CRY1: variants seen among roughly 807,000 people sequenced by gnomAD.
The protein encoded by CRY1 is cryptochrome-1.
A neutral mutation model predicts 76.0 loss-of-function variants in CRY1; 45 were observed. That is an observed-to-expected ratio of 0.59 (90% confidence interval 0.47 to 0.76). The LOEUF (loss-of-function observed/expected upper bound fraction) is 0.76. CRY1 is among the 30% of genes least tolerant of loss of function. The pLI is 0.00. For missense variants in CRY1, 587 were observed against 716.4 expected (o/e 0.82, Z 2.06); for synonymous variants, 248 against 244.0 (o/e 1.02, Z -0.15).
In CRY1 at chr12:107,036,953, T is replaced by C. The variant is rs547329867; in HGVS notation, c.159-14761A>G. The stretch of plus-strand genomic sequence containing the variant: ...TTCCTGAGCCCCCTTCCTTGCTATC[T>C]CTTTAACATACTATATAATTTATTT... On this transcript the variant is annotated intron_variant, in intron 1 of 12. Transcript: ENST00000008527. Among the ~76,000 whole-genome samples the C allele has an allele frequency of 2.0e-5, 3 of 152,240 alleles. 1 individual carries two copies. Among genetic ancestry groups the C allele is most frequent in the African/African-American group, 7.2e-5 (3 of 41,546 alleles).
At chr12:107,027,599 T>C (rs897869947) in intron 1 of CRY1, among the ~76,000 whole-genome samples, 1 of 152,174 alleles carries the variant, frequency 6.6e-6, no homozygotes, top group Admixed American at 6.5e-5. Context: ...ATATATTTCT[T>C]CACTTTAAAC....
rs1240341974 is a variant in CRY1, at chr12:107,093,186, T to A, written c.-225A>T. The stretch of plus-strand genomic sequence containing the variant: ...GGTTGCCTAGTCGGCGGAGTCCGGG[T>A]GTGACGCCCTTTAGGAGCCCGCGCC... On this transcript the variant is annotated 5_prime_UTR_variant, in exon 1 of 13. Transcript: ENST00000008527. 1.9e-6 allele frequency: 1 copy of A among 516,256 alleles called. No individual in the cohort carries two copies. Among genetic ancestry groups the A allele is most frequent in the Non-Finnish European group, 3.3e-6 (1 of 305,116 alleles). The allele number at this position is 516,256 out of a possible 1,614,324, so 32.0% of individuals were successfully genotyped here. A position where few individuals can be genotyped will look rare whatever the true frequency, so the allele number is the denominator to read the frequency against.
In CRY1 at chr12:107,001,718, GATTT is replaced by G. The variant is rs747277420; in HGVS notation, c.595+42_595+45del. On this transcript the variant is annotated intron_variant, in intron 4 of 12. Transcript: ENST00000008527. ...AAGGGGAATTTTCTGAGTAATTTATGATTTATTAACTTGCAAGCCTCACACTGAC... is the reference window on the plus strand; with the variant it reads ...AAGGGGAATTTTCTGAGTAATTTATGATTAACTTGCAAGCCTCACACTGAC... The G allele has an allele frequency of 2.1e-6, 3 of 1,431,508 alleles. No homozygotes were observed. The South Asian group carries it at 4.7e-5, about 23-fold the overall frequency. The allele number at this position is 1,431,508 out of a possible 1,614,324, so 88.7% of individuals were successfully genotyped here.
intron 1 of CRY1, among the ~76,000 whole-genome samples, chr12:107,084,841 G>C (rs1953376391): frequency 6.6e-6 from 1 of 152,050 alleles, no homozygotes; most frequent in South Asian, 2.1e-4. Context: ...TTAAACTAAA[G>C]AGTTTCTGCA....
At chr12:107,007,234 A>G (rs561589423) in intron 2 of CRY1, among the ~76,000 whole-genome samples, 1 of 152,324 alleles carries the variant, frequency 6.6e-6, no homozygotes, top group African/African-American at 2.4e-5. Flanking sequence ...ATAGTTTAAA[A>G]ACACAGGATC....
At chr12:107,018,478 G>A (rs894377633) in intron 2 of CRY1, among the ~76,000 whole-genome samples, 1 of 152,094 alleles carries the variant, frequency 6.6e-6, no homozygotes, top group African/African-American at 2.4e-5. Context: ...TCTCAGCTAC[G>A]TGGGTGGCTG....
intron 1 of CRY1, among the ~76,000 whole-genome samples, chr12:107,037,393 G>C (rs1268519060): frequency 6.6e-6 from 1 of 152,088 alleles, no homozygotes; most frequent in Non-Finnish European, 1.5e-5. Context: ...TTAGCCAGGC[G>C]TGGTGGTGCG....
At chr12:107,060,931 C>T (rs1163223837) in intron 1 of CRY1, among the ~76,000 whole-genome samples, 8 of 151,988 alleles carry the variant, frequency 5.3e-5, no homozygotes, top group South Asian at 2.1e-4. Context: ...GCTGAGATCG[C>T]GCCACTGCAC....
chr12:107,069,145 T>C (rs958738934), intron 1 of CRY1, among the ~76,000 whole-genome samples: 2 of 152,154 alleles, frequency 1.3e-5, no homozygotes, highest in Non-Finnish European at 2.9e-5. Flanking sequence ...CTACAGCAGC[T>C]GTACTATTTT....
intron 1 of CRY1, among the ~76,000 whole-genome samples, chr12:107,031,926 TTTTTC>T (rs1005672317): frequency 2.0e-5 from 3 of 152,160 alleles, no homozygotes; most frequent in East Asian, 1.9e-4. Flanking sequence ...CTATGGTTTC[TTTTTC>T]TTTTCTTTTC....
At chr12:107,061,586 T>C (rs977053001) in intron 1 of CRY1, among the ~76,000 whole-genome samples, 12 of 152,078 alleles carry the variant, frequency 7.9e-5, no homozygotes, top group African/African-American at 2.4e-4. Context: ...TTCACCATGT[T>C]GGCCAGGCTG....
chr12:107,073,470 TA>T (rs1487449741), intron 1 of CRY1, among the ~76,000 whole-genome samples: 1 of 152,210 alleles, frequency 6.6e-6, no homozygotes. Context: ...CTCATGCCTG[TA>T]ATCCCAGCAC....
intron 1 of CRY1, among the ~76,000 whole-genome samples, chr12:107,026,581 A>C (rs1952618187): frequency 6.6e-6 from 1 of 152,022 alleles, no homozygotes; most frequent in Non-Finnish European, 1.5e-5. Context: ...TATTTGGCAA[A>C]CAAATCTCAT....
At chr12:106,996,451 T>C (rs1952235097) in intron 10 of CRY1, among the ~76,000 whole-genome samples, 1 of 152,244 alleles carries the variant, frequency 6.6e-6, no homozygotes, top group Non-Finnish European at 1.5e-5. Flanking sequence ...TGTATCTTTA[T>C]AACAGAATGA....
intron 1 of CRY1, among the ~76,000 whole-genome samples, chr12:107,048,519 C>T (rs1952875895): frequency 6.6e-6 from 1 of 152,180 alleles, no homozygotes; most frequent in Non-Finnish European, 1.5e-5. Flanking sequence ...TCTGCAGATT[C>T]TGTTTATCTG....
chr12:107,024,206 G>C (rs1378697675), intron 1 of CRY1, among the ~76,000 whole-genome samples: 1 of 152,118 alleles, frequency 6.6e-6, no homozygotes, highest in African/African-American at 2.4e-5. Flanking sequence ...TAAGAACTGA[G>C]AACAGCAAGA....
chr12:107,070,984 G>A (rs190461966), intron 1 of CRY1, among the ~76,000 whole-genome samples: 334 of 151,790 alleles, frequency 2.2e-3, no homozygotes, highest in Admixed American at 3.5e-3. Flanking sequence ...GATTACAGGC[G>A]TGAGCCACAG....
At chr12:106,993,160 A>G in intron 10 of CRY1, 124 bp from the exon 11 acceptor site, 1 of 858,136 alleles carries the variant, frequency 1.2e-6, no homozygotes, top group Non-Finnish European at 1.8e-6. Context: ...TTAAGACTAA[A>G]TCTCAATCTT....
In CRY1 at chr12:106,997,557, C is replaced by T. The variant is rs1656859465; in HGVS notation, c.1423G>A (p.Glu475Lys). ...CTTTCGATATTCAAACGGCTTGCCT[C>T]AGCATGGTTCACCATTGGTTTAGGA... ...NYPKPMVNHAEASRLNIERMK... is the reference protein window; with the variant it reads ...NYPKPMVNHAKASRLNIERMK... The change falls in exon 9 of 13, where the codon GAG becomes AAG. Residue 475 changes from glutamate to lysine, a missense_variant. By Grantham distance (56) the Glu-to-Lys change is moderately conservative. Coordinates refer to ENST00000008527, the MANE Select transcript of CRY1 (RefSeq NM_004075.5). 6.2e-7 allele frequency: 1 copy of T among 1,614,054 alleles called. No homozygotes were observed. Among genetic ancestry groups the T allele is most frequent in the Non-Finnish European group, 8.5e-7 (1 of 1,180,024 alleles).
Sources: allele counts gnomAD v4.1 joint callset (sites outside exome capture counted in the v4.1 genomes callset), GRCh38; gene constraint gnomAD v4.1.1; transcripts MANE v1.5; gene names NCBI Gene and HGNC (gene_info 2026-07-23, HGNC 2026-07-21).